The following NOL4 variants were observed in gnomAD, a reference collection of about 807,000 sequenced individuals.
The protein encoded by NOL4 is cancer/testis antigen 125.
In NOL4, 17 loss-of-function variants were observed where a neutral mutation model predicts 75.9. The ratio of observed to expected loss-of-function variants is 0.22; its 90% CI spans 0.15 to 0.34. The LOEUF (loss-of-function observed/expected upper bound fraction) is 0.34. Among genes scored for constraint, NOL4 ranks in the 10% least tolerant of loss-of-function variants. NOL4 has a pLI of 1.00. For synonymous variants in NOL4, 292 were observed against 289.9 expected, an observed-to-expected ratio of 1.01 and a Z score of -0.07; for missense variants, 614 against 793.5, an observed-to-expected ratio of 0.77 and a Z score of 2.72.
At chr18:33,904,592 A>T (rs1445098232) in intron 9 of NOL4, among the ~76,000 whole-genome samples, 1 of 152,176 alleles carries the variant, frequency 6.6e-6, no homozygotes, top group Non-Finnish European at 1.5e-5. Flanking sequence ...TAAGGCCATG[A>T]CAGGCAAGTG....
At chr18:34,112,253 CT>C (rs1255291671) in intron 2 of NOL4, among the ~76,000 whole-genome samples, 1 of 151,822 alleles carries the variant, frequency 6.6e-6, no homozygotes, top group Non-Finnish European at 1.5e-5. Flanking sequence ...CCTGTAATCC[CT>C]GCTACTTGGG....
intron 5 of NOL4, among the ~76,000 whole-genome samples, chr18:34,059,358 CTCTCT>C (rs1276898671): frequency 8.6e-5 from 13 of 151,968 alleles, no homozygotes; most frequent in Admixed American, 7.9e-4. Flanking sequence ...ACACACCACA[CTCTCT>C]TCTGATGCCA....
chr18:33,897,285 C>G (rs1024331865), intron 9 of NOL4, among the ~76,000 whole-genome samples: 1 of 151,908 alleles, frequency 6.6e-6, no homozygotes, highest in African/African-American at 2.4e-5. Flanking sequence ...AGAGGAATAG[C>G]AATCATCTAC....
At chr18:34,159,012 C>T (rs1261138952) in intron 1 of NOL4, among the ~76,000 whole-genome samples, 1 of 152,178 alleles carries the variant, frequency 6.6e-6, no homozygotes, top group Non-Finnish European at 1.5e-5. Flanking sequence ...CAAGCGGTGG[C>T]AGCTGCTGGG....
At chr18:33,855,849 T>C (rs1346898339) in intron 10 of NOL4, among the ~76,000 whole-genome samples, 1 of 150,496 alleles carries the variant, frequency 6.6e-6, no homozygotes, top group Non-Finnish European at 1.5e-5. Flanking sequence ...CTTTTTCAAA[T>C]TAAGTTATCA....
chr18:34,072,223 T>C (rs956562135), intron 5 of NOL4, among the ~76,000 whole-genome samples: 2 of 151,938 alleles, frequency 1.3e-5, no homozygotes, highest in Non-Finnish European at 2.9e-5. Context: ...AGACTCCATC[T>C]CAAAAAACAA....
chr18:33,867,266 G>C (rs2063477575), intron 10 of NOL4, among the ~76,000 whole-genome samples: 1 of 152,150 alleles, frequency 6.6e-6, no homozygotes. Flanking sequence ...TATATTAAAT[G>C]AGATTTCATC....
chr18:33,982,084 A>T (rs2072007212), intron 6 of NOL4, among the ~76,000 whole-genome samples: 1 of 152,138 alleles, frequency 6.6e-6, no homozygotes. Context: ...GAGAACATGG[A>T]ACCACATAAA....
chr18:34,157,440 G>A (rs1244931504), intron 1 of NOL4, among the ~76,000 whole-genome samples: 2 of 152,096 alleles, frequency 1.3e-5, no homozygotes, highest in East Asian at 1.9e-4. Flanking sequence ...GTGAGTCACA[G>A]GTTGAATTTG....
chr18:34,217,029 T>C (rs1380722810), intron 1 of NOL4, among the ~76,000 whole-genome samples: 1 of 152,154 alleles, frequency 6.6e-6, no homozygotes, highest in African/African-American at 2.4e-5. Flanking sequence ...ACTCTTCTTT[T>C]GGCATATATT....
intron 9 of NOL4, among the ~76,000 whole-genome samples, chr18:33,922,744 G>A (rs2067114165): frequency 6.6e-6 from 1 of 152,184 alleles, no homozygotes; most frequent in South Asian, 2.1e-4. Flanking sequence ...CATTCTTAAA[G>A]TTTAGTTTAT....
intron 9 of NOL4, among the ~76,000 whole-genome samples, chr18:33,893,225 T>C (rs2065203089): frequency 6.6e-6 from 1 of 152,094 alleles, no homozygotes; most frequent in Non-Finnish European, 1.5e-5. Context: ...AAAAAAGGGA[T>C]TTATAAGAGG....
At chr18:33,957,963 T>C (rs2069786034) in intron 7 of NOL4, among the ~76,000 whole-genome samples, 1 of 152,136 alleles carries the variant, frequency 6.6e-6, no homozygotes, top group South Asian at 2.1e-4. Flanking sequence ...ACGGGCGTAC[T>C]CTTCCGAGGA....
intron 10 of NOL4, among the ~76,000 whole-genome samples, chr18:33,880,816 A>C (rs2064219374): frequency 6.6e-6 from 1 of 151,650 alleles, no homozygotes; most frequent in Admixed American, 6.6e-5. Flanking sequence ...TCTCTAGTTG[A>C]GTTTTTTTTT....
intron 9 of NOL4, among the ~76,000 whole-genome samples, chr18:33,891,770 T>C (rs1396693968): frequency 6.6e-6 from 1 of 152,178 alleles, no homozygotes; most frequent in Admixed American, 6.6e-5. Context: ...AACTATGAGA[T>C]ACATTTTTTA....
intron 1 of NOL4, among the ~76,000 whole-genome samples, chr18:34,134,429 C>A (rs1349480020): frequency 1.4e-5 from 2 of 147,808 alleles, no homozygotes; most frequent in African/African-American, 5.0e-5. Flanking sequence ...TATATGGACC[C>A]AATAAGAGAC....
intron 1 of NOL4, among the ~76,000 whole-genome samples, chr18:34,150,067 C>T (rs894567127): frequency 6.6e-6 from 1 of 151,498 alleles, no homozygotes. Context: ...CCTTGGTTTT[C>T]TCATCTAAAA....
chr18:33,954,110 T>C (rs565408429), intron 8 of NOL4, among the ~76,000 whole-genome samples: 8 of 152,260 alleles, frequency 5.3e-5, no homozygotes, highest in African/African-American at 1.7e-4. Context: ...CAAAATGGCA[T>C]AGTATTTGCC....
chr18:34,148,286 G>A (rs1232828107), intron 1 of NOL4, among the ~76,000 whole-genome samples: 1 of 151,898 alleles, frequency 6.6e-6, no homozygotes, highest in Non-Finnish European at 1.5e-5. Context: ...TCCTTCTCTA[G>A]CTCTTTTAAT....
Sources: allele counts gnomAD v4.1 joint callset (sites outside exome capture counted in the v4.1 genomes callset), GRCh38; gene constraint gnomAD v4.1.1; transcripts MANE v1.5; gene names NCBI Gene and HGNC (gene_info 2026-07-23, HGNC 2026-07-21).